The following SNRPN variants were observed in gnomAD, a reference collection of about 807,000 sequenced individuals.
SNRPN encodes small nuclear ribonucleoprotein polypeptide N.
In SNRPN, 7 loss-of-function variants were observed where a neutral mutation model predicts 25.2. That is an observed-to-expected ratio of 0.28 (90% CI 0.16 to 0.52). SNRPN has a LOEUF of 0.52. SNRPN is among the 20% of genes least tolerant of loss of function. SNRPN has a pLI of 0.96. For missense variants in SNRPN, 196 were observed against 322.5 expected, an observed-to-expected ratio of 0.61 and a Z score of 3.00; for synonymous variants, 124 against 110.6, an observed-to-expected ratio of 1.12 and a Z score of -0.76.
intron 2 of SNRPN, among the ~76,000 whole-genome samples, chr15:24,897,653 G>A (rs2058159287): frequency 6.6e-6 from 1 of 152,194 alleles, no homozygotes; most frequent in Non-Finnish European, 1.5e-5. Context: ...GGTGGGGCCA[G>A]GTGGAGATAA....
At chr15:24,837,293 T>C (rs2051277080) in intron 2 of SNRPN, among the ~76,000 whole-genome samples, 1 of 152,004 alleles carries the variant, frequency 6.6e-6, no homozygotes, top group Non-Finnish European at 1.5e-5. Flanking sequence ...AACCATTTTA[T>C]ATTTATGCAG....
At chr15:24,970,241 A>T (rs752908954) in intron 3 of SNRPN, among the ~76,000 whole-genome samples, 1 of 152,152 alleles carries the variant, frequency 6.6e-6, no homozygotes, top group Non-Finnish European at 1.5e-5. Context: ...ACCCGTTTTC[A>T]TTAAAAATGT....
chr15:24,878,325 T>A (rs17784286), intron 1 of SNRPN, among the ~76,000 whole-genome samples: 2 of 152,006 alleles, frequency 1.3e-5, no homozygotes, highest in African/African-American at 4.8e-5. Context: ...GCAAGAAATG[T>A]GCCACCGTTC....
intron 1 of SNRPN, among the ~76,000 whole-genome samples, chr15:24,860,239 T>A (rs2053874118): frequency 6.6e-6 from 1 of 152,160 alleles, no homozygotes; most frequent in Admixed American, 6.6e-5. Flanking sequence ...TAATCAAATT[T>A]TTAAAATTAC....
Position 24,975,368 on chromosome 15 carries a change from A to G in SNRPN, c.14A>G (p.Lys5Arg). The change falls in exon 5 of 10, where the codon AAG (lysine) becomes AGG (arginine). Residue 5 changes from lysine (K) to arginine (R), a missense_variant. Physicochemically the swap from Lys to Arg is conservative, Grantham distance 26 (BLOSUM62 2). Coordinates refer to ENST00000390687, the MANE Select transcript of SNRPN (RefSeq NM_003097.6). The part of the protein sequence containing the change: MTVG[K>R]SSKMLQHIDY... ...TCTTACTGCTTCTAGACTGTTGGCA[A>G]GAGTAGCAAGATGCTGCAGCACATT... The G allele has an allele frequency of 6.2e-7, 1 of 1,613,690 alleles. No homozygotes were observed.
At chr15:24,973,148 CAA>C (rs1264622693) in intron 3 of SNRPN, among the ~76,000 whole-genome samples, 7 of 152,020 alleles carry the variant, frequency 4.6e-5, no homozygotes, top group Non-Finnish European at 5.9e-5. Context: ...CTCGGTTTCC[CAA>C]AGTGTTGGGA....
chr15:24,890,615 G>A (rs936047205), intron 2 of SNRPN, among the ~76,000 whole-genome samples: 24 of 152,082 alleles, frequency 1.6e-4, no homozygotes, highest in African/African-American at 5.3e-4. Flanking sequence ...GGAGGTGGAG[G>A]TTGCAGTGAG....
At chr15:24,904,347 T>C (rs2058661474) in intron 2 of SNRPN, among the ~76,000 whole-genome samples, 3 of 152,112 alleles carry the variant, frequency 2.0e-5, no homozygotes, top group African/African-American at 7.2e-5. Flanking sequence ...CATGCATAGT[T>C]CATATTTTAT....
At chr15:24,867,861 T>G (rs867488437) in intron 1 of SNRPN, among the ~76,000 whole-genome samples, 1 of 152,056 alleles carries the variant, frequency 6.6e-6, no homozygotes, top group Non-Finnish European at 1.5e-5. Context: ...TTCCTCCTCC[T>G]GTCTTCCATT....
intron 3 of SNRPN, among the ~76,000 whole-genome samples, chr15:24,948,305 G>C (rs1476825436): frequency 1.3e-5 from 2 of 151,876 alleles, no homozygotes; most frequent in Non-Finnish European, 2.9e-5. Flanking sequence ...GTATAGACGG[G>C]GTTTCATCAT....
chr15:24,934,731 AT>A (rs749676457), intron 3 of SNRPN, among the ~76,000 whole-genome samples: 30 of 152,048 alleles, frequency 2.0e-4, no homozygotes, highest in Non-Finnish European at 3.7e-4. Context: ...AATCTTTTGT[AT>A]TTTTGGTAGA....
At chr15:24,879,201 G>C (rs1342763814) in intron 1 of SNRPN, among the ~76,000 whole-genome samples, 1 of 152,078 alleles carries the variant, frequency 6.6e-6, no homozygotes, top group Non-Finnish European at 1.5e-5. Context: ...TTGGGCGGCC[G>C]AGGCAGGCAG....
intron 3 of SNRPN, chr15:24,942,487 A>G (rs1164546244): frequency 1.3e-5 from 2 of 152,206 alleles, no homozygotes; most frequent in Non-Finnish European, 1.5e-5. Flanking sequence ...TTCCATGAGC[A>G]TGGGCCCATT....
At position 24,903,298 on chromosome 15, in the gene SNRPN, T is replaced by G. The variant is rs1263943644; in HGVS notation, c.-505+16709T>G. On this transcript the variant is annotated intron_variant, in intron 2 of 11. Transcript: ENST00000400097. ...ACAGTTTGCAGCTTCCTAACAGGGA[T>G]TCCACAGATATGACTGTAAATTGAG... Among the ~76,000 whole-genome samples the G allele has an allele frequency of 6.6e-5, 10 of 152,344 alleles. No individual in the cohort carries two copies. In the East Asian group the frequency reaches 1.5e-3, roughly 24 times the overall value.
At chr15:24,859,555 T>A (rs1020090972) in intron 1 of SNRPN, among the ~76,000 whole-genome samples, 2 of 152,210 alleles carry the variant, frequency 1.3e-5, no homozygotes, top group African/African-American at 4.8e-5. Flanking sequence ...ACTAACAGCA[T>A]TGATACTTTA....
intron 1 of SNRPN, among the ~76,000 whole-genome samples, chr15:24,885,716 C>CCGTGTG (rs373086731): frequency 9.2e-5 from 13 of 141,734 alleles, no homozygotes; most frequent in Middle Eastern, 3.6e-3. Context: ...GAATCTGGGG[C>CCGTGTG]TGTGTGTGTG....
At chr15:24,864,251 A>G (rs1468931623) in intron 1 of SNRPN, among the ~76,000 whole-genome samples, 1 of 138,160 alleles carries the variant, frequency 7.2e-6, no homozygotes, top group Admixed American at 7.1e-5. Context: ...GATGGTCTCG[A>G]TCTCCTGACC....
At chr15:24,895,740 AT>A (rs2058047683) in intron 2 of SNRPN, among the ~76,000 whole-genome samples, 1 of 152,152 alleles carries the variant, frequency 6.6e-6, no homozygotes, top group Non-Finnish European at 1.5e-5. Flanking sequence ...CCCTGTAGCA[AT>A]TTATCCTTTG....
intron 3 of SNRPN, among the ~76,000 whole-genome samples, chr15:24,923,059 C>A (rs2060131434): frequency 6.6e-6 from 1 of 152,042 alleles, no homozygotes; most frequent in South Asian, 2.1e-4. Flanking sequence ...GCACCTGCCA[C>A]CACACCCAGC....
Sources: allele counts gnomAD v4.1 joint callset (sites outside exome capture counted in the v4.1 genomes callset), GRCh38; gene constraint gnomAD v4.1.1; transcripts MANE v1.5; gene names NCBI Gene and HGNC (gene_info 2026-07-23, HGNC 2026-07-21).